Variants in EEIG2 observed in about 807,000 individuals in gnomAD.
EEIG2 encodes the protein family with sequence similarity 102 member B.
chr1:108,629,479 T>C, the EEIG2 span: 1 of 789,118 alleles, frequency 1.3e-6, no homozygotes, highest in Non-Finnish European at 2.0e-6. Flanking sequence ...TTTTAAGTTG[T>C]TTATTTCTCT....
the EEIG2 span, among the ~76,000 whole-genome samples, chr1:108,576,996 G>A: frequency 6.7e-6 from 1 of 150,360 alleles, no homozygotes; most frequent in African/African-American, 2.4e-5. Context: ...ATTCTAACTG[G>A]TGTGAGATGA....
chr1:108,568,605 C>T, the EEIG2 span, among the ~76,000 whole-genome samples: 3 of 152,106 alleles, frequency 2.0e-5, no homozygotes, highest in African/African-American at 7.2e-5. Context: ...ATGTCAGGTG[C>T]TATAACAAGG....
At chr1:108,586,130 C>G in the EEIG2 span, among the ~76,000 whole-genome samples, 1 of 151,940 alleles carries the variant, frequency 6.6e-6, no homozygotes, top group African/African-American at 2.4e-5. Flanking sequence ...TCATTAAACT[C>G]CTATTTCCCT....
At chr1:108,571,322 G>A in the EEIG2 span, among the ~76,000 whole-genome samples, 1 of 152,120 alleles carries the variant, frequency 6.6e-6, no homozygotes, top group African/African-American at 2.4e-5. Flanking sequence ...TCTGCTGTAG[G>A]GGTACAATAC....
the EEIG2 span, chr1:108,560,552 G>T: frequency 6.2e-7 from 1 of 1,610,530 alleles, no homozygotes; most frequent in Non-Finnish European, 8.5e-7. Flanking sequence ...CAGCTTCACC[G>T]CCGAGTCCTC....
At chr1:108,602,157 G>T in the EEIG2 span, among the ~76,000 whole-genome samples, 1 of 152,162 alleles carries the variant, frequency 6.6e-6, no homozygotes, top group Non-Finnish European at 1.5e-5. Context: ...ATTTGAAGAA[G>T]GGGCAACCAT....
At chr1:108,609,349 A>G in the EEIG2 span, among the ~76,000 whole-genome samples, 46 of 152,296 alleles carry the variant, frequency 3.0e-4, no homozygotes, top group South Asian at 5.4e-3. Flanking sequence ...AACAGACAAT[A>G]TGCAAATATG....
At chr1:108,621,158 A>G in the EEIG2 span, among the ~76,000 whole-genome samples, 5 of 152,372 alleles carry the variant, frequency 3.3e-5, no homozygotes, top group East Asian at 7.7e-4. Context: ...ACATTACTAT[A>G]AAGCAATCAA....
chr1:108,560,382 G>A, the EEIG2 span: 2 of 1,480,094 alleles, frequency 1.4e-6, no homozygotes, highest in Non-Finnish European at 1.8e-6. Flanking sequence ...AAGCTGAGGC[G>A]GCGGCGCCCG....
the EEIG2 span, among the ~76,000 whole-genome samples, chr1:108,606,854 G>A: frequency 6.6e-6 from 1 of 152,018 alleles, no homozygotes; most frequent in East Asian, 1.9e-4. Context: ...GTAGAGATGG[G>A]GTCTTGCTAT....
chr1:108,630,794 C>T, the EEIG2 span, among the ~76,000 whole-genome samples: 1 of 152,124 alleles, frequency 6.6e-6, no homozygotes, highest in African/African-American at 2.4e-5. Flanking sequence ...CATTCCATGT[C>T]GTATTTATGT....
chr1:108,569,251 C>T, the EEIG2 span, among the ~76,000 whole-genome samples: 1 of 152,156 alleles, frequency 6.6e-6, no homozygotes, highest in African/African-American at 2.4e-5. Context: ...GTACTACTAA[C>T]AGTTGAATGA....
the EEIG2 span, among the ~76,000 whole-genome samples, chr1:108,569,533 C>G: frequency 1.3e-5 from 2 of 152,100 alleles, no homozygotes; most frequent in Non-Finnish European, 2.9e-5. Flanking sequence ...GCTATGTTGC[C>G]CAGGCTGGTC....
chr1:108,571,497 A>G, the EEIG2 span, among the ~76,000 whole-genome samples: 1 of 152,198 alleles, frequency 6.6e-6, no homozygotes, highest in Non-Finnish European at 1.5e-5. Flanking sequence ...AGTTGAAGTG[A>G]GGAAAAACAG....
At chr1:108,596,237 T>G in the EEIG2 span, among the ~76,000 whole-genome samples, 5 of 152,226 alleles carry the variant, frequency 3.3e-5, no homozygotes, top group African/African-American at 9.6e-5. Flanking sequence ...CTGTTCCCAT[T>G]TTTAGATTAT....
the EEIG2 span, among the ~76,000 whole-genome samples, chr1:108,607,581 T>G: frequency 6.6e-6 from 1 of 152,208 alleles, no homozygotes; most frequent in South Asian, 2.1e-4. Context: ...CCCAGCACTT[T>G]GGGAGGCTGT....
At chr1:108,606,131 A>G in the EEIG2 span, 1 of 752,098 alleles carries the variant, frequency 1.3e-6, no homozygotes, top group East Asian at 3.0e-5. Context: ...ATTTGCCAGC[A>G]TATATATGTC....
At chr1:108,563,577 TAG>T in the EEIG2 span, among the ~76,000 whole-genome samples, 1 of 152,122 alleles carries the variant, frequency 6.6e-6, no homozygotes, top group African/African-American at 2.4e-5. Flanking sequence ...TAGATATAAA[TAG>T]AGAGACCCAA....
the EEIG2 span, chr1:108,635,097 T>C: frequency 6.2e-7 from 1 of 1,614,080 alleles, no homozygotes; most frequent in Admixed American, 1.7e-5. Flanking sequence ...TTTTTTCCAC[T>C]GCTGTTTTAG....
Sources: allele counts gnomAD v4.1 joint callset (sites outside exome capture counted in the v4.1 genomes callset), GRCh38; gene constraint gnomAD v4.1.1; transcripts MANE v1.5; gene names NCBI Gene and HGNC (gene_info 2026-07-23, HGNC 2026-07-21).